Variants in ARAP2 observed in about 807,000 individuals in gnomAD.
ARAP2 encodes arf-GAP with Rho-GAP domain, ANK repeat and PH domain-containing protein 2.
Under a neutral mutation model 194.5 loss-of-function variants are expected in ARAP2, and 148 were observed. That is an observed-to-expected ratio of 0.76 (90% CI 0.67 to 0.87). ARAP2 has a LOEUF of 0.87. ARAP2 is among the 40% of genes least tolerant of loss of function. ARAP2 has a pLI of 0.00. For missense variants in ARAP2, 2,128 were observed against 1,989.7 expected (o/e 1.07, Z -1.32); for synonymous variants, 695 against 683.5 (o/e 1.02, Z -0.26).
At chr4:36,126,576 G>A (rs1172827139) in intron 21 of ARAP2, among the ~76,000 whole-genome samples, 2 of 151,992 alleles carry the variant, frequency 1.3e-5, no homozygotes, top group Admixed American at 6.6e-5. Flanking sequence ...CACTTAGACA[G>A]TACTAGTTTA....
chr4:36,039,304 A>G (rs1720444296), intron 5 of ARAP2, among the ~76,000 whole-genome samples: 1 of 152,164 alleles, frequency 6.6e-6, no homozygotes, highest in African/African-American at 2.4e-5. Context: ...CTGTTTATAT[A>G]AATCTGTACA....
chr4:36,031,450 TTGTTG>T (rs1436316275), intron 5 of ARAP2, among the ~76,000 whole-genome samples: 3 of 152,212 alleles, frequency 2.0e-5, no homozygotes, highest in East Asian at 1.9e-4. Context: ...GGTATTTCTT[TTGTTG>T]TGTTGTGTTT....
At chr4:36,129,605 T>C (rs1362733698) in intron 20 of ARAP2, among the ~76,000 whole-genome samples, 1 of 151,814 alleles carries the variant, frequency 6.6e-6, no homozygotes, top group African/African-American at 2.4e-5. Flanking sequence ...TAATTTCATA[T>C]CTCTTTTTTC....
chr4:36,133,351 G>T lies in ARAP2; in HGVS notation c.3302C>A (p.Thr1101Lys). 3 of 1,610,992 alleles carry T rather than the reference G, an allele frequency of 1.9e-6. No individual in the cohort carries two copies. The highest frequency in any genetic ancestry group is 2.5e-6 in the Non-Finnish European group (3 of 1,178,052). ...TTTTTCAATTGCAGTATGCCAGACT[G>T]TGAAATCCAACTTGGTATGCCCATG... ...YIHGHTKLDF[T>K]VWHTAIEKAA... Residue 1101 changes from threonine to lysine, a missense_variant, in exon 20 of 33, where the codon ACA (threonine) becomes AAA (lysine). Transcript: ENST00000303965.
intron 15 of ARAP2, among the ~76,000 whole-genome samples, chr4:36,155,010 G>C (rs1731906442): frequency 6.6e-6 from 1 of 152,060 alleles, no homozygotes; most frequent in African/African-American, 2.4e-5. Flanking sequence ...TTGTAAATAG[G>C]GGCTTTCTGC....
At chr4:36,210,293 G>T in intron 6 of ARAP2, 97 bp downstream of exon 6, 2 of 1,097,306 alleles carry the variant, frequency 1.8e-6, no homozygotes, top group Non-Finnish European at 2.6e-6. Context: ...TGTGTGTGGC[G>T]GTGGAGTGGG....
At chr4:36,186,175 T>A (rs923031920) in intron 8 of ARAP2, among the ~76,000 whole-genome samples, 5 of 152,142 alleles carry the variant, frequency 3.3e-5, no homozygotes, top group Non-Finnish European at 1.5e-5. Context: ...ATAAAAGTTG[T>A]CCATAAAATA....
intron 9 of ARAP2, among the ~76,000 whole-genome samples, chr4:36,007,387 AAC>A (rs1713515884): frequency 6.6e-6 from 1 of 152,168 alleles, no homozygotes; most frequent in Non-Finnish European, 1.5e-5. Flanking sequence ...AAACAAATGA[AAC>A]AGAGACGACA....
At chr4:36,040,308 TA>T (rs1353586620) in intron 5 of ARAP2, among the ~76,000 whole-genome samples, 1 of 152,172 alleles carries the variant, frequency 6.6e-6, no homozygotes, top group Non-Finnish European at 1.5e-5. Flanking sequence ...ACAAAACACA[TA>T]CGATGCCCAT....
intron 19 of ARAP2, among the ~76,000 whole-genome samples, chr4:36,145,107 A>G (rs1729336389): frequency 6.6e-6 from 1 of 151,952 alleles, no homozygotes; most frequent in Non-Finnish European, 1.5e-5. Context: ...TTGAAGAAGA[A>G]AGGCAGTTTG....
At chr4:36,231,078 T>G (rs112103933) in intron 1 of ARAP2, among the ~76,000 whole-genome samples, 310 of 152,310 alleles carry the variant, frequency 2.0e-3, no homozygotes, top group African/African-American at 6.9e-3. Flanking sequence ...GGCTCACGCC[T>G]GTAATCCCAG....
intron 19 of ARAP2, among the ~76,000 whole-genome samples, chr4:36,138,011 C>T (rs745498810): frequency 5.3e-5 from 8 of 151,726 alleles, no homozygotes; most frequent in Non-Finnish European, 1.2e-4. Flanking sequence ...AGACTGTACA[C>T]TTACATTCTG....
chr4:36,009,154 A>G (rs550457325), intron 9 of ARAP2, among the ~76,000 whole-genome samples: 53 of 152,276 alleles, frequency 3.5e-4, no homozygotes, highest in African/African-American at 1.2e-3. Context: ...TCCAAGCCCT[A>G]TGAATTGAAC....
rs1468608725 is a variant in ARAP2, at chr4:36,149,298, C to T, written c.2898-791G>A. 5.6e-5 allele frequency among the ~76,000 whole-genome samples: 8 copies of T among 142,228 alleles called. No individual in the cohort carries two copies. In the South Asian group the frequency reaches 1.2e-3, roughly 22 times the overall value. 93.3% of individuals were successfully genotyped at this position (142,228 alleles called of 152,430 possible). A position where few individuals can be genotyped will look rare whatever the true frequency, so the allele number is the denominator to read the frequency against. ...GAGTGTAACTTGTTCTTCCCCTTAA[C>T]ATCAACTCTTGTCCAGTCAGTCATT... On this transcript the variant is annotated intron_variant, in intron 16 of 32. Coordinates refer to ENST00000303965, the MANE Select transcript of ARAP2 (RefSeq NM_015230.4).
chr4:36,161,445 T>C lies in ARAP2; in HGVS notation c.2259+20A>G. On this transcript the variant is annotated intron_variant, in intron 12 of 32. Coordinates refer to ENST00000303965, the MANE Select transcript of ARAP2 (RefSeq NM_015230.4). ...AACTGAACCCCTATCACAACCCCAT[T>C]CAGGTTAAATAGGACTCACCTCGAT... 6 of 1,600,826 alleles carry C rather than the reference T, an allele frequency of 3.7e-6. No homozygotes were observed. Among genetic ancestry groups the C allele is most frequent in the Non-Finnish European group, 4.3e-6 (5 of 1,168,200 alleles).
At chr4:36,225,610 G>A (rs765038069) in intron 2 of ARAP2, among the ~76,000 whole-genome samples, 1 of 152,050 alleles carries the variant, frequency 6.6e-6, no homozygotes, top group Non-Finnish European at 1.5e-5. Flanking sequence ...AGGAATTCAG[G>A]GAAGAACCCA....
In ARAP2 at chr4:36,214,466, C is replaced by A. The variant is rs1461952725; in HGVS notation, c.920G>T (p.Arg307Ile). Residue 307 changes from arginine (R) to isoleucine (I), a missense_variant, in exon 3 of 33, where the codon AGA (arginine) becomes ATA (isoleucine). Transcript: ENST00000303965. ...KGVSGSYFRE[R>I]RNVATSTEKS... is the part of the protein sequence containing the mutation. ...TTCAGTTGAGGTAGCAACATTTCTT[C>A]TTTCACGGAAATAGCTTAAAAAGCA... 4 of 1,593,512 alleles carry A rather than the reference C, an allele frequency of 2.5e-6. No individual in the cohort carries two copies. In the African/African-American group the frequency reaches 5.4e-5, roughly 21 times the overall value.
At chr4:36,133,818 A>G (rs753350047) in intron 19 of ARAP2, among the ~76,000 whole-genome samples, 3 of 151,766 alleles carry the variant, frequency 2.0e-5, no homozygotes, top group African/African-American at 4.8e-5. Context: ...CTGGTCACTT[A>G]GTCTCTTTCC....
At chr4:36,083,784 T>C (rs1043531784) in intron 28 of ARAP2, among the ~76,000 whole-genome samples, 1 of 152,140 alleles carries the variant, frequency 6.6e-6, no homozygotes, top group African/African-American at 2.4e-5. Context: ...AGTGCAAACT[T>C]GATTAAATTG....
Sources: allele counts gnomAD v4.1 joint callset (sites outside exome capture counted in the v4.1 genomes callset), GRCh38; gene constraint gnomAD v4.1.1; transcripts MANE v1.5; gene names NCBI Gene and HGNC (gene_info 2026-07-23, HGNC 2026-07-21).